Variants in PARP12 observed in about 807,000 individuals in gnomAD.
PARP12 encodes protein mono-ADP-ribosyltransferase PARP12.
Under a neutral mutation model 72.4 loss-of-function variants are expected in PARP12, and 59 were observed. The observed-to-expected ratio is 0.81, with a 90% CI of 0.66 to 1.01. The LOEUF (loss-of-function observed/expected upper bound fraction) is 1.01. Ranked by LOEUF, PARP12 falls within the 50% of genes least tolerant of loss-of-function variation. The probability of loss-of-function intolerance (pLI) is 0.00; values close to 1 mark genes in which losing one functional copy is unlikely to be tolerated. For synonymous variants in PARP12, 403 were observed against 371.4 expected, an observed-to-expected ratio of 1.09 and a Z score of -0.98; for missense variants, 851 against 914.0, an observed-to-expected ratio of 0.93 and a Z score of 0.89.
Position 140,035,050 on chromosome 7 carries a change from C to T in PARP12, c.1325-719G>A, listed in dbSNP as rs1816095492. On this transcript the variant is annotated intron_variant, in intron 7 of 11. Transcript: ENST00000263549. ...TCAGCCTCCCAAGTAGCTGGGACTACAGGTTTGTGACACCATGCCCAACTA... is the reference window on the plus strand; with the variant it reads ...TCAGCCTCCCAAGTAGCTGGGACTATAGGTTTGTGACACCATGCCCAACTA... Among the ~76,000 whole-genome samples the T allele has an allele frequency of 2.6e-5, 4 of 152,194 alleles. No individual in the cohort carries two copies. The South Asian group carries it at 8.3e-4, about 32-fold the overall frequency.
intron 4 of PARP12, among the ~76,000 whole-genome samples, chr7:140,049,258 G>T (rs10952541): frequency 0.53 from 80,742 of 151,890 alleles, 23,953 homozygotes; most frequent in African/African-American, 0.8. Context: ...TCCTCTAAGT[G>T]CAACAAGGCT....
intron 7 of PARP12, among the ~76,000 whole-genome samples, chr7:140,035,053 G>A (rs74508294): frequency 1.2e-3 from 179 of 152,224 alleles, no homozygotes; most frequent in African/African-American, 4.0e-3. Flanking sequence ...GGGACTACAG[G>A]TTTGTGACAC....
chr7:140,026,450 T>C lies in PARP12; in HGVS notation c.1629-102A>G, dbSNP rs1056383285. On this transcript the variant is annotated intron_variant, in intron 10 of 11. Transcript: ENST00000263549. Reference sequence around the variant, plus strand: ...ACATTTTTCCAAAATTCCAAAAGTGTCCTGGGACCAAGAGACGCAGGTCAC... The same window carrying C: ...ACATTTTTCCAAAATTCCAAAAGTGCCCTGGGACCAAGAGACGCAGGTCAC... 5 of 1,490,260 alleles carry C rather than the reference T, an allele frequency of 3.4e-6. No homozygotes were observed. In the Admixed American group the frequency reaches 1.0e-4, roughly 30 times the overall value. The allele number at this position is 1,490,260 out of a possible 1,614,324, so 92.3% of individuals were successfully genotyped here.
rs563724494 is a variant in PARP12, at chr7:140,023,751, C to T, written c.*809G>A. The stretch of plus-strand genomic sequence containing the variant: ...AATGAGCTTCAGTCTTCATCCACTT[C>T]GGATAAATTTTCTTTTATTTCCATA... On this transcript the variant is annotated 3_prime_UTR_variant, in exon 12 of 12. Coordinates refer to ENST00000263549, the MANE Select transcript of PARP12 (RefSeq NM_022750.4). 11 of 152,790 alleles carry T rather than the reference C, an allele frequency of 7.2e-5. No homozygotes were observed. The highest frequency in any genetic ancestry group is 5.8e-4 in the East Asian group (3 of 5,184). 9.5% of individuals were successfully genotyped at this position (152,790 alleles called of 1,614,324 possible).
Position 140,024,837 on chromosome 7 carries a change from G to C in PARP12, c.1829C>G (p.Ser610Cys). 1.9e-6 allele frequency: 3 copies of C among 1,614,104 alleles called. No individual in the cohort carries two copies. The highest frequency in any genetic ancestry group is 2.5e-6 in the Non-Finnish European group (3 of 1,179,944). Residue 610 changes from serine to cysteine, a missense_variant, in exon 12 of 12, where the codon TCC becomes TGC. Coordinates refer to ENST00000263549, the MANE Select transcript of PARP12 (RefSeq NM_022750.4). ...DAAYSHHYSK[S>C]DTQTHTMFLA... ...GAACATCGTGTGGGTCTGCGTGTCGGATTTGCTGTAGTGGTGGGAATATGC... is the reference window on the plus strand; with the variant it reads ...GAACATCGTGTGGGTCTGCGTGTCGCATTTGCTGTAGTGGTGGGAATATGC...
chr7:140,046,833 T>TGTGTGTCACA, intron 5 of PARP12, 51 bp downstream of exon 5: 4 of 1,188,022 alleles, frequency 3.4e-6, no homozygotes, highest in Non-Finnish European at 4.7e-6. Context: ...TGTGTGTGTG[T>TGTGTGTCACA]CACACACAGA....
intron 3 of PARP12, 39 bp from the exon 4 acceptor site, chr7:140,054,802 AT>A: frequency 1.3e-6 from 2 of 1,509,648 alleles, no homozygotes; most frequent in South Asian, 1.1e-5. Context: ...AGCTTCTGAT[AT>A]GGGGTATAAA....
chr7:140,032,958 A>G (rs191707116), intron 8 of PARP12, among the ~76,000 whole-genome samples: 4 of 152,072 alleles, frequency 2.6e-5, no homozygotes, highest in Admixed American at 6.6e-5. Flanking sequence ...TAATAATAAT[A>G]ATTATTATTT....
intron 8 of PARP12, among the ~76,000 whole-genome samples, chr7:140,032,192 T>C (rs1815964120): frequency 6.6e-6 from 1 of 152,066 alleles, no homozygotes; most frequent in Non-Finnish European, 1.5e-5. Flanking sequence ...TCTTTACCCC[T>C]GAGAAATGCA....
At chr7:140,060,573 T>G (rs193274404) in intron 1 of PARP12, among the ~76,000 whole-genome samples, 53 of 152,312 alleles carry the variant, frequency 3.5e-4, no homozygotes, top group African/African-American at 1.1e-3. Context: ...ACTACAGATT[T>G]CCGAGACAAG....
At chr7:140,029,882 T>C (rs1815873669) in intron 8 of PARP12, among the ~76,000 whole-genome samples, 1 of 151,802 alleles carries the variant, frequency 6.6e-6, no homozygotes, top group South Asian at 2.1e-4. Flanking sequence ...AAATGGAAAA[T>C]GCAGGAAAGA....
At position 140,043,249 on chromosome 7, in the gene PARP12, G is replaced by A. The variant is rs567576016; in HGVS notation, c.987-1410C>T. 3.0e-4 allele frequency among the ~76,000 whole-genome samples: 45 copies of A among 152,100 alleles called. 1 individual carries two copies. Among genetic ancestry groups the A allele is most frequent in the East Asian group, 5.8e-4 (3 of 5,170 alleles). ...TCAAATCAAACATGAGCTCAAAATC[G>A]ATCACAAAATGTGGAAACAAAGACA... is the stretch of plus-strand genomic sequence containing the variant. On this transcript the variant is annotated intron_variant, in intron 5 of 11. Transcript: ENST00000263549.
intron 10 of PARP12, among the ~76,000 whole-genome samples, chr7:140,026,777 A>G (rs1048899584): frequency 2.0e-5 from 3 of 152,068 alleles, no homozygotes; most frequent in African/African-American, 7.2e-5. Flanking sequence ...CAGAGTACAC[A>G]TTACACTACC....
chr7:140,032,445 G>A (rs1305508921), intron 8 of PARP12, among the ~76,000 whole-genome samples: 2 of 151,980 alleles, frequency 1.3e-5, no homozygotes, highest in Non-Finnish European at 2.9e-5. Flanking sequence ...CCAAAGTGCT[G>A]GGATTATAGG....
Position 140,058,395 on chromosome 7 carries a change from C to A in PARP12, c.327-361G>T, listed in dbSNP as rs371099021. Among the ~76,000 whole-genome samples, 106 of 152,000 alleles carry A rather than the reference C, an allele frequency of 7.0e-4. 1 individual carries two copies. The highest frequency in any genetic ancestry group is 2.5e-3 in the African/African-American group (104 of 41,452). On this transcript the variant is annotated intron_variant, in intron 1 of 11. Transcript: ENST00000263549. Reference sequence around the variant, plus strand: ...GCGTGGTGGTGAGCGCATGTAGTCCCAGCTACTCTGGAGGCTGAGGCAGAA... The same window carrying A: ...GCGTGGTGGTGAGCGCATGTAGTCCAAGCTACTCTGGAGGCTGAGGCAGAA...
intron 1 of PARP12, among the ~76,000 whole-genome samples, 178 bp downstream of exon 1, chr7:140,062,344 T>A (rs1817493087): frequency 6.6e-6 from 1 of 152,014 alleles, no homozygotes; most frequent in African/African-American, 2.4e-5. Flanking sequence ...TCCCTCGCAC[T>A]GTGCCAGGTA....
intron 11 of PARP12, 71 bp from the exon 12 acceptor site, chr7:140,024,956 G>C (rs1815676209): frequency 7.0e-7 from 1 of 1,429,100 alleles, no homozygotes; most frequent in Middle Eastern, 2.0e-4. Flanking sequence ...ACTGCGAATA[G>C]CGTCCTGGTG....
chr7:140,048,836 C>T lies in PARP12; in HGVS notation c.863-1829G>A, dbSNP rs555166967. Among the ~76,000 whole-genome samples, 6 of 152,018 alleles carry T rather than the reference C, an allele frequency of 3.9e-5. 1 individual carries two copies. The highest frequency in any genetic ancestry group is 1.4e-4 in the African/African-American group (6 of 41,478). ...GTAAGGAAACTGAACAGACACATAC[C>T]CTTGTACACGTATACAGTCTCGATG... On this transcript the variant is annotated intron_variant, in intron 4 of 11. Transcript: ENST00000263549.
At chr7:140,052,445 T>C (rs750449781) in intron 4 of PARP12, among the ~76,000 whole-genome samples, 9 of 152,204 alleles carry the variant, frequency 5.9e-5, no homozygotes, top group African/African-American at 2.2e-4. Context: ...CTTTGGGACA[T>C]TGTCCTCATA....
Sources: allele counts gnomAD v4.1 joint callset (sites outside exome capture counted in the v4.1 genomes callset), GRCh38; gene constraint gnomAD v4.1.1; transcripts MANE v1.5; gene names NCBI Gene and HGNC (gene_info 2026-07-23, HGNC 2026-07-21).